The following REPS2 variants were observed in gnomAD, a reference collection of about 807,000 sequenced individuals.
The protein encoded by REPS2 is RALBP1 associated Eps domain containing 2, also known as ralBP1-associated Eps domain-containing protein 2.
REPS2 carries 23 observed loss-of-function variants against 53.6 expected under a neutral mutation model. The observed-to-expected ratio is 0.43, with a 90% CI of 0.31 to 0.61. REPS2 has a LOEUF of 0.61. REPS2 is among the 20% of genes least tolerant of loss of function. The pLI, the probability that REPS2 is intolerant of heterozygous loss-of-function variation, is 0.11. For synonymous variants in REPS2, 238 were observed against 218.6 expected (o/e 1.09, Z -0.78); for missense variants, 446 against 534.9 (o/e 0.83, Z 1.64).
chrX:17,023,799 A>G (rs2061604473), intron 3 of REPS2, among the ~76,000 whole-genome samples: 1 of 111,848 alleles, frequency 8.9e-6, no homozygotes, highest in African/African-American at 3.3e-5. Context: ...CCAGTCCCTG[A>G]TTGTGTGAAT....
intron 1 of REPS2, among the ~76,000 whole-genome samples, chrX:16,971,435 G>A (rs986827892): frequency 8.9e-6 from 1 of 112,081 alleles, no homozygotes; most frequent in Non-Finnish European, 1.9e-5. Flanking sequence ...TCATCTATCA[G>A]ATAAATGATT....
At chrX:17,052,184 G>A (rs1178839121) in intron 6 of REPS2, among the ~76,000 whole-genome samples, 198 bp from the exon 7 acceptor site, 2 of 112,008 alleles carry the variant, frequency 1.8e-5, no homozygotes, top group Non-Finnish European at 3.8e-5. Flanking sequence ...TTGCCCTATT[G>A]TAATTTACAT....
chrX:17,168,749 A>C, the REPS2 span, among the ~76,000 whole-genome samples: 4 of 112,346 alleles, frequency 3.6e-5, no homozygotes, highest in African/African-American at 6.5e-5. Context: ...TCTTGTCCAC[A>C]GGCAAAGACA....
At chrX:16,961,761 C>A (rs1260167807) in intron 1 of REPS2, among the ~76,000 whole-genome samples, 1 of 111,666 alleles carries the variant, frequency 9.0e-6, no homozygotes, top group Non-Finnish European at 1.9e-5. Context: ...GAGTTAATAT[C>A]AAAAATATAT....
In REPS2 at chrX:16,983,388, A is replaced by G. The variant is rs1409411080; in HGVS notation, c.274-22833A>G. Among the ~76,000 whole-genome samples the G allele has an allele frequency of 4.5e-5, 5 of 112,138 alleles. No homozygotes were observed. In the South Asian group the frequency reaches 1.9e-3, roughly 42 times the overall value. On this transcript the variant is annotated intron_variant, in intron 1 of 17. Coordinates refer to ENST00000357277, the MANE Select transcript of REPS2 (RefSeq NM_004726.3). ...TTTTAGCAGAATCATATACCCTTTA[A>G]AAAAGGGGGAGAACTAACATTAGAT...
Position 17,138,969 on chromosome X carries a change from A to G in REPS2, c.1914+8A>G. On this transcript the variant is annotated splice_region_variant and intron_variant, in intron 17 of 17. Coordinates refer to ENST00000357277, the MANE Select transcript of REPS2 (RefSeq NM_004726.3). ...CTCCAGCAGCAGCTCAAGGTAAGGA[A>G]TGAGTCCCAGATTTGGATGACCAGG... 3 of 1,125,194 alleles carry G rather than the reference A, an allele frequency of 2.7e-6. No homozygotes were observed. Among genetic ancestry groups the G allele is most frequent in the Non-Finnish European group, 3.6e-6 (3 of 835,099 alleles). 92.7% of individuals were successfully genotyped at this position (1,125,194 alleles called of 1,213,427 possible).
intron 1 of REPS2, among the ~76,000 whole-genome samples, chrX:16,966,203 A>G (rs1172510398): frequency 8.9e-6 from 1 of 112,264 alleles, no homozygotes; most frequent in Non-Finnish European, 1.9e-5. Flanking sequence ...CTTTTCTTCT[A>G]CTTATCAAAA....
chrX:17,190,791 CAG>C, the REPS2 span, among the ~76,000 whole-genome samples: 1 of 112,166 alleles, frequency 8.9e-6, no homozygotes. Flanking sequence ...TGAGAAAGAA[CAG>C]AAAGTCCAGA....
chrX:17,029,442 A>G, intron 4 of REPS2, 84 bp from the exon 5 acceptor site: 1 of 638,633 alleles, frequency 1.6e-6, no homozygotes, highest in Admixed American at 2.6e-5. Context: ...TGAAAAGCAG[A>G]TGCTGTATCA....
At chrX:17,006,445 T>C (rs2061364087) in intron 2 of REPS2, 101 bp downstream of exon 2, 2 of 797,254 alleles carry the variant, frequency 2.5e-6, no homozygotes, top group Admixed American at 3.1e-5. Context: ...TTCTCCTTGC[T>C]TCCTCCAACT....
intron 14 of REPS2, among the ~76,000 whole-genome samples, chrX:17,130,740 G>A (rs1264651606): frequency 9.0e-6 from 1 of 111,578 alleles, no homozygotes; most frequent in East Asian, 2.8e-4. Context: ...GAATACCTGA[G>A]ACTGTATGGC....
At chrX:17,165,083 C>A in the REPS2 span, among the ~76,000 whole-genome samples, 1 of 110,572 alleles carries the variant, frequency 9.0e-6, no homozygotes, top group African/African-American at 3.3e-5. Flanking sequence ...ACTCACACAC[C>A]ACTTGAACTG....
intron 13 of REPS2, among the ~76,000 whole-genome samples, chrX:17,078,455 C>T (rs967817466): frequency 8.9e-6 from 1 of 111,935 alleles, no homozygotes; most frequent in African/African-American, 3.2e-5. Context: ...AACTCTCTAT[C>T]AAATTTAATT....
intron 1 of REPS2, among the ~76,000 whole-genome samples, chrX:16,965,115 C>G (rs1379802157): frequency 1.2e-5 from 1 of 86,213 alleles, no homozygotes; most frequent in African/African-American, 4.5e-5. Context: ...CCCTCCCGGA[C>G]GGGGCGGCTG....
intron 17 of REPS2, 152 bp downstream of exon 17, chrX:17,139,113 G>GC: frequency 2.8e-6 from 1 of 360,997 alleles, no homozygotes; most frequent in Non-Finnish European, 4.7e-6. Flanking sequence ...GTGATCTGAT[G>GC]TGTCCATTGG....
chrX:17,000,723 C>CTT (rs371579601), intron 1 of REPS2, among the ~76,000 whole-genome samples: 107 of 107,274 alleles, frequency 1.0e-3, no homozygotes, highest in African/African-American at 3.4e-3. Flanking sequence ...TAACTGAGGA[C>CTT]TTTTTTTTTT....
chrX:16,962,937 A>T (rs1048844313), intron 1 of REPS2, among the ~76,000 whole-genome samples: 1 of 110,547 alleles, frequency 9.0e-6, no homozygotes, highest in Non-Finnish European at 1.9e-5. Flanking sequence ...CTCTCCAAAA[A>T]TGTTTTTAAA....
intron 5 of REPS2, among the ~76,000 whole-genome samples, chrX:17,037,113 C>T (rs921515951): frequency 4.5e-5 from 5 of 110,512 alleles, no homozygotes; most frequent in African/African-American, 1.6e-4. Context: ...AGCCTCCAGT[C>T]TCCTGCTTAC....
intron 1 of REPS2, among the ~76,000 whole-genome samples, chrX:16,964,524 C>T (rs1021212824): frequency 2.3e-4 from 25 of 109,389 alleles, no homozygotes; most frequent in African/African-American, 6.4e-4. Context: ...CATCATGGCC[C>T]GTTCTCAATG....
Sources: allele counts gnomAD v4.1 joint callset (sites outside exome capture counted in the v4.1 genomes callset), GRCh38; gene constraint gnomAD v4.1.1; transcripts MANE v1.5; gene names NCBI Gene and HGNC (gene_info 2026-07-23, HGNC 2026-07-21).